The following ADGRB3 variants were observed in gnomAD, a reference collection of about 807,000 sequenced individuals.
The protein encoded by ADGRB3 is adhesion G protein-coupled receptor B3.
A neutral mutation model predicts 193.4 loss-of-function variants in ADGRB3; 37 were observed. That is an observed-to-expected ratio of 0.19 (90% CI 0.15 to 0.25). The LOEUF (loss-of-function observed/expected upper bound fraction) is 0.25. Among genes scored for constraint, ADGRB3 ranks in the 10% least tolerant of loss-of-function variants. The pLI is 1.00. For missense variants in ADGRB3, 1,637 were observed against 1,852.9 expected (o/e 0.88, Z 2.14); for synonymous variants, 690 against 644.2 (o/e 1.07, Z -1.08).
At chr6:69,342,474 G>A (rs1368852976) in intron 26 of ADGRB3, among the ~76,000 whole-genome samples, 1 of 152,028 alleles carries the variant, frequency 6.6e-6, no homozygotes, top group Non-Finnish European at 1.5e-5. Context: ...ACCTTATTTA[G>A]AAGGATTTTA....
chr6:68,703,811 C>T (rs776545216), intron 3 of ADGRB3, among the ~76,000 whole-genome samples: 43 of 151,912 alleles, frequency 2.8e-4, no homozygotes, highest in Non-Finnish European at 5.1e-4. Context: ...TTAGTAGAGA[C>T]GGGGTTTCAT....
chr6:68,636,052 T>C (rs2127272466), intron 1 of ADGRB3, 52 bp downstream of exon 1: 1 of 151,978 alleles, frequency 6.6e-6, no homozygotes, highest in East Asian at 2.0e-4. Context: ...GTCGCCACCG[T>C]GGAGCTTTGG....
intron 17 of ADGRB3, among the ~76,000 whole-genome samples, chr6:69,203,939 T>C (rs556643440): frequency 6.6e-6 from 1 of 152,256 alleles, no homozygotes; most frequent in East Asian, 1.9e-4. Flanking sequence ...AGATTTTTCA[T>C]TTGAGAGTGT....
intron 3 of ADGRB3, among the ~76,000 whole-genome samples, chr6:68,678,675 A>C (rs1021117202): frequency 2.0e-5 from 3 of 152,106 alleles, no homozygotes; most frequent in Non-Finnish European, 4.4e-5. Flanking sequence ...CTGCCTTTGG[A>C]TCTAACAGCC....
In ADGRB3 at chr6:68,785,353, A is replaced by G. The variant is rs897676139; in HGVS notation, c.758-145206A>G. On this transcript the variant is annotated intron_variant, in intron 3 of 31. Coordinates refer to ENST00000370598, the MANE Select transcript of ADGRB3 (RefSeq NM_001704.3). The stretch of plus-strand genomic sequence containing the variant: ...CCTGGTGTGTGATGTTCCCCTTCCT[A>G]TGTCCATGTGTTCTCTTTGTTCAAT... Among the ~76,000 whole-genome samples the G allele has an allele frequency of 2.2e-4, 26 of 118,172 alleles. No homozygotes were observed. The East Asian group carries it at 7.2e-3, about 33-fold the overall frequency. The allele number at this position is 118,172 out of a possible 152,430, so 77.5% of individuals were successfully genotyped here.
intron 3 of ADGRB3, among the ~76,000 whole-genome samples, chr6:68,748,762 C>A (rs1431202191): frequency 1.3e-5 from 2 of 152,174 alleles, no homozygotes; most frequent in Non-Finnish European, 1.5e-5. Flanking sequence ...GGGCTCTCAC[C>A]CCACATTTCC....
intron 17 of ADGRB3, among the ~76,000 whole-genome samples, chr6:69,222,631 A>G (rs1765919972): frequency 6.6e-6 from 1 of 152,180 alleles, no homozygotes; most frequent in South Asian, 2.1e-4. Flanking sequence ...TCACAAATAA[A>G]TCTAAAGTAA....
At chr6:69,108,486 C>T (rs973721668) in intron 17 of ADGRB3, among the ~76,000 whole-genome samples, 2 of 151,046 alleles carry the variant, frequency 1.3e-5, no homozygotes, top group Non-Finnish European at 2.9e-5. Flanking sequence ...ATGCAAAATA[C>T]TTAACTTCTT....
intron 3 of ADGRB3, among the ~76,000 whole-genome samples, chr6:68,748,116 A>G (rs996832737): frequency 1.3e-5 from 2 of 152,120 alleles, no homozygotes; most frequent in Non-Finnish European, 2.9e-5. Flanking sequence ...GAATTCTGGG[A>G]GATACAATTC....
At chr6:68,884,696 C>T (rs896128524) in intron 3 of ADGRB3, among the ~76,000 whole-genome samples, 2 of 151,986 alleles carry the variant, frequency 1.3e-5, no homozygotes, top group Non-Finnish European at 2.9e-5. Flanking sequence ...TAGAGAAAAA[C>T]AGGTAGGTGT....
chr6:69,109,495 A>T (rs1252314376), intron 17 of ADGRB3, among the ~76,000 whole-genome samples: 1 of 152,234 alleles, frequency 6.6e-6, no homozygotes, highest in Non-Finnish European at 1.5e-5. Flanking sequence ...ACTGATTACT[A>T]GAAAACATGC....
chr6:69,332,886 A>C, intron 23 of ADGRB3, 37 bp from the exon 24 acceptor site: 1 of 1,609,964 alleles, frequency 6.2e-7, no homozygotes, highest in Non-Finnish European at 8.5e-7. Flanking sequence ...ATTCCCTTCA[A>C]TATCATTGAA....
intron 20 of ADGRB3, among the ~76,000 whole-genome samples, chr6:69,274,993 T>C (rs1767270805): frequency 1.3e-5 from 2 of 152,134 alleles, no homozygotes; most frequent in Non-Finnish European, 2.9e-5. Flanking sequence ...ACCCATCCTC[T>C]TGGTTTAGAG....
intron 3 of ADGRB3, among the ~76,000 whole-genome samples, chr6:68,684,375 A>G (rs979200086): frequency 2.6e-5 from 4 of 152,128 alleles, no homozygotes; most frequent in African/African-American, 9.7e-5. Flanking sequence ...TTACAGTTTA[A>G]ACTATACTTT....
chr6:69,348,658 C>A (rs548946113), intron 26 of ADGRB3, among the ~76,000 whole-genome samples: 3 of 149,856 alleles, frequency 2.0e-5, no homozygotes, highest in Non-Finnish European at 4.4e-5. Context: ...CAAGACTCTG[C>A]CAAAAAAAAA....
At chr6:68,802,389 C>T (rs1197144853) in intron 3 of ADGRB3, among the ~76,000 whole-genome samples, 1 of 152,020 alleles carries the variant, frequency 6.6e-6, no homozygotes, top group East Asian at 1.9e-4. Context: ...AAGAAAAGTA[C>T]AATACTAGGC....
Position 69,048,126 on chromosome 6 carries a change from A to G in ADGRB3, c.2108-59A>G, listed in dbSNP as rs536641815. The G allele has an allele frequency of 1.8e-5, 28 of 1,528,366 alleles. No individual in the cohort carries two copies. The Admixed American group carries it at 3.2e-4, about 17-fold the overall frequency. The allele number at this position is 1,528,366 out of a possible 1,614,324, so 94.7% of individuals were successfully genotyped here. On this transcript the variant is annotated intron_variant, in intron 13 of 31. Transcript: ENST00000370598. ...TACTGCAAGATTTACCTTGATCAAC[A>G]CTGATTACACTAAAATGTAAAGCAA...
intron 26 of ADGRB3, among the ~76,000 whole-genome samples, chr6:69,343,308 A>G (rs1157179680): frequency 1.3e-5 from 2 of 150,170 alleles, no homozygotes; most frequent in African/African-American, 4.9e-5. Context: ...AGCATTAGGT[A>G]TATCTCCCAG....
chr6:69,343,474 G>A lies in ADGRB3; in HGVS notation c.3459+3970G>A, dbSNP rs117620660. On this transcript the variant is annotated intron_variant, in intron 26 of 31. Transcript: ENST00000370598. Reference sequence around the variant, plus strand: ...CTTGCGATAGTTTACTCTTTTAGTGGGTCCAATTTTACACTCATTTCAAAT... The same window carrying A: ...CTTGCGATAGTTTACTCTTTTAGTGAGTCCAATTTTACACTCATTTCAAAT... Among the ~76,000 whole-genome samples the A allele has an allele frequency of 6.6e-5, 10 of 151,504 alleles. No individual in the cohort carries two copies. The East Asian group carries it at 1.9e-3, about 29-fold the overall frequency.
Sources: allele counts gnomAD v4.1 joint callset (sites outside exome capture counted in the v4.1 genomes callset), GRCh38; gene constraint gnomAD v4.1.1; transcripts MANE v1.5; gene names NCBI Gene and HGNC (gene_info 2026-07-23, HGNC 2026-07-21).